VMP1: variants seen among roughly 807,000 people sequenced by gnomAD.
VMP1 encodes ectopic P-granules autophagy protein 3 homolog.
Under a neutral mutation model 56.0 loss-of-function variants are expected in VMP1, and 11 were observed. The observed-to-expected ratio is 0.20, with a 90% CI of 0.12 to 0.32. VMP1 has a LOEUF of 0.32. Among genes scored for constraint, VMP1 ranks in the 10% least tolerant of loss-of-function variants. The pLI, the probability that VMP1 is intolerant of heterozygous loss-of-function variation, is 1.00. For missense variants in VMP1, 296 were observed against 490.3 expected (o/e 0.60, Z 3.74); for synonymous variants, 149 against 165.0 (o/e 0.90, Z 0.74).
At chr17:59,798,232 ATC>A (rs1414631084) in intron 7 of VMP1, among the ~76,000 whole-genome samples, 1 of 152,216 alleles carries the variant, frequency 6.6e-6, no homozygotes, top group Non-Finnish European at 1.5e-5. Flanking sequence ...CTTAATCCTG[ATC>A]TTGACCCAGA....
At chr17:59,817,582 A>G (rs1182640115) in intron 9 of VMP1, 130 bp from the exon 10 acceptor site, 5 of 577,260 alleles carry the variant, frequency 8.7e-6, no homozygotes, top group Non-Finnish European at 1.5e-5. Flanking sequence ...GTTATATTTT[A>G]TTTTTAAAGA....
intron 10 of VMP1, among the ~76,000 whole-genome samples, chr17:59,830,443 T>A (rs986396061): frequency 1.3e-5 from 2 of 152,190 alleles, no homozygotes; most frequent in East Asian, 3.9e-4. Flanking sequence ...GGGATCTGAC[T>A]TATGACACCC....
At chr17:59,734,926 G>C (rs200867445) in intron 2 of VMP1, among the ~76,000 whole-genome samples, 1 of 9,518 alleles carries the variant, frequency 1.1e-4, no homozygotes, top group Non-Finnish European at 2.3e-4. Context: ...TTTTTTTTTT[G>C]AGACAGAGTC....
chr17:59,725,121 C>T (rs2034552763), intron 1 of VMP1, among the ~76,000 whole-genome samples: 1 of 152,170 alleles, frequency 6.6e-6, no homozygotes, highest in Admixed American at 6.5e-5. Flanking sequence ...TGTGCCACTG[C>T]ACTCCAGCCT....
chr17:59,718,189 T>TA (rs1568015258), intron 1 of VMP1, among the ~76,000 whole-genome samples: 2 of 126,950 alleles, frequency 1.6e-5, no homozygotes, highest in Non-Finnish European at 3.4e-5. Context: ...CCCTCCTTTT[T>TA]TTTTTTTTTT....
At chr17:59,824,382 G>A (rs941977302) in intron 10 of VMP1, among the ~76,000 whole-genome samples, 3 of 151,598 alleles carry the variant, frequency 2.0e-5, no homozygotes, top group Admixed American at 1.3e-4. Flanking sequence ...GACCAGCCTG[G>A]GCGACCTGAT....
At chr17:59,758,054 T>C (rs2035911468) in intron 5 of VMP1, among the ~76,000 whole-genome samples, 1 of 151,762 alleles carries the variant, frequency 6.6e-6, no homozygotes, top group Non-Finnish European at 1.5e-5. Context: ...TTACCCAGGC[T>C]GGTCTCAAAA....
At chr17:59,709,350 AT>A (rs1268262235) in intron 1 of VMP1, among the ~76,000 whole-genome samples, 5 of 152,146 alleles carry the variant, frequency 3.3e-5, no homozygotes, top group Admixed American at 2.6e-4. Flanking sequence ...ACTTTTTAGG[AT>A]TTTGGTAACT....
intron 5 of VMP1, among the ~76,000 whole-genome samples, chr17:59,740,544 T>C (rs984628042): frequency 1.3e-5 from 2 of 152,220 alleles, no homozygotes; most frequent in Non-Finnish European, 2.9e-5. Context: ...ATCTGACGAA[T>C]GCTTTGGGAA....
intron 10 of VMP1, among the ~76,000 whole-genome samples, chr17:59,822,959 G>A (rs779461426): frequency 1.3e-5 from 2 of 152,086 alleles, no homozygotes; most frequent in Non-Finnish European, 2.9e-5. Flanking sequence ...GGTGGTACCC[G>A]CCTGTAGTCC....
At chr17:59,810,501 G>A (rs2038019438) in intron 8 of VMP1, among the ~76,000 whole-genome samples, 1 of 152,034 alleles carries the variant, frequency 6.6e-6, no homozygotes, top group African/African-American at 2.4e-5. Context: ...ACATGAGTTG[G>A]AACCTTATGA....
At chr17:59,808,918 G>A in intron 8 of VMP1, 42 bp downstream of exon 8, 1 of 1,553,252 alleles carries the variant, frequency 6.4e-7, no homozygotes, top group Admixed American at 1.7e-5. Context: ...CTAAGTGGTA[G>A]TGTTATATTT....
At chr17:59,814,365 T>C (rs1438427669) in intron 9 of VMP1, among the ~76,000 whole-genome samples, 1 of 152,218 alleles carries the variant, frequency 6.6e-6, no homozygotes, top group African/African-American at 2.4e-5. Context: ...GGAATTACTA[T>C]ACCCATTTTG....
intron 7 of VMP1, among the ~76,000 whole-genome samples, chr17:59,792,664 A>G (rs1040192407): frequency 9.3e-5 from 14 of 151,114 alleles, no homozygotes; most frequent in African/African-American, 3.4e-4. Context: ...CAAGAGTTCG[A>G]GACCAGCCTG....
intron 1 of VMP1, among the ~76,000 whole-genome samples, chr17:59,714,136 A>G (rs978071717): frequency 6.6e-6 from 1 of 152,078 alleles, no homozygotes; most frequent in Non-Finnish European, 1.5e-5. Flanking sequence ...TATAAAGAAA[A>G]GGAATTTAAT....
At chr17:59,835,248 C>T (rs1159352100) in intron 10 of VMP1, among the ~76,000 whole-genome samples, 2 of 151,664 alleles carry the variant, frequency 1.3e-5, no homozygotes, top group African/African-American at 4.8e-5. Context: ...TCGGCCTCAG[C>T]CTCCCGAGTA....
intron 7 of VMP1, 86 bp from the exon 8 acceptor site, chr17:59,808,710 G>A (rs2037933327): frequency 9.4e-7 from 1 of 1,065,186 alleles, no homozygotes; most frequent in African/African-American, 1.6e-5. Flanking sequence ...TCATCAGATT[G>A]GGAGATCTTT....
chr17:59,809,068 C>T (rs1297156815), intron 8 of VMP1, among the ~76,000 whole-genome samples, 192 bp downstream of exon 8: 2 of 151,268 alleles, frequency 1.3e-5, no homozygotes, highest in Non-Finnish European at 2.9e-5. Flanking sequence ...GGCATGATCT[C>T]GGCTCACTGC....
chr17:59,825,004 C>A (rs890284574), intron 10 of VMP1, among the ~76,000 whole-genome samples: 1 of 150,240 alleles, frequency 6.7e-6, no homozygotes, highest in African/African-American at 2.5e-5. Context: ...TCGAACATGG[C>A]GAGACCCAAA....
Sources: gnomAD v4.1 joint callset for allele counts (sites outside exome capture counted in the v4.1 genomes callset) on GRCh38, gnomAD v4.1.1 for gene constraint, MANE v1.5 for transcripts, NCBI Gene and HGNC (gene_info 2026-07-23, HGNC 2026-07-21) for gene names.